The following ABCC3 variants were observed in gnomAD, a reference collection of about 807,000 sequenced individuals.
The protein encoded by ABCC3 is ATP-binding cassette sub-family C member 3.
In ABCC3, 121 loss-of-function variants were observed where a neutral mutation model predicts 165.3. The observed-to-expected ratio is 0.73, with a 90% CI of 0.63 to 0.85. ABCC3 has a LOEUF of 0.85. ABCC3 is among the 40% of genes least tolerant of loss of function. The pLI, the probability that ABCC3 is intolerant of heterozygous loss-of-function variation, is 0.00. For missense variants in ABCC3, 1,869 were observed against 1,964.1 expected, an observed-to-expected ratio of 0.95 and a Z score of 0.92; for synonymous variants, 733 against 810.1, an observed-to-expected ratio of 0.90 and a Z score of 1.62.
intron 1 of ABCC3, among the ~76,000 whole-genome samples, chr17:50,646,230 T>C (rs1422072411): frequency 6.6e-6 from 1 of 151,924 alleles, no homozygotes; most frequent in Non-Finnish European, 1.5e-5. Context: ...GGAGGAGTGT[T>C]CCAGGAAGAG....
In ABCC3 at chr17:50,667,563, A is replaced by G; in HGVS notation, c.1441A>G (p.Met481Val). ...VKMRAFQVKQ[M>V]KLKDSRIKLM... is the part of the protein sequence containing the mutation. ...CTTTCTGCCTGCACAGGTAAAGCAAATGAAATTGAAGGACTCGCGCATCAA... is the reference window on the plus strand; with the variant it reads ...CTTTCTGCCTGCACAGGTAAAGCAAGTGAAATTGAAGGACTCGCGCATCAA... Residue 481 changes from methionine (M) to valine (V), a missense_variant, in exon 12 of 31, where the codon ATG (methionine) becomes GTG (valine). Physicochemically the swap from Met to Val is conservative, Grantham distance 21. Coordinates refer to ENST00000285238, the MANE Select transcript of ABCC3 (RefSeq NM_003786.4). 1 of 1,608,332 alleles carries G rather than the reference A, an allele frequency of 6.2e-7. No individual in the cohort carries two copies. Among genetic ancestry groups the G allele is most frequent in the Non-Finnish European group, 8.5e-7 (1 of 1,175,122 alleles).
Position 50,665,238 on chromosome 17 carries a change from C to T in ABCC3, c.1424C>T (p.Ala475Val). 1 of 1,614,074 alleles carries T rather than the reference C, an allele frequency of 6.2e-7. No individual in the cohort carries two copies. Among genetic ancestry groups the T allele is most frequent in the Non-Finnish European group, 8.5e-7 (1 of 1,180,012 alleles). The change falls in exon 11 of 31, where the codon GCC becomes GTC. Residue 475 changes from alanine (A) to valine (V), a missense_variant. By Grantham distance (64) the Ala-to-Val change is moderately conservative. Transcript: ENST00000285238. ...GGAGCTGTGGCCGTGAAGATGCGCG[C>T]CTTCCAGGTAGGTGCTGTCAGAGGT... is the stretch of plus-strand genomic sequence containing the variant. ...LNGAVAVKMR[A>V]FQVKQMKLKD...
chr17:50,659,178 C>G (rs1428463034), intron 6 of ABCC3, 59 bp from the exon 7 acceptor site: 1 of 1,592,916 alleles, frequency 6.3e-7, no homozygotes, highest in Admixed American at 1.7e-5. Flanking sequence ...ACCCTTGGCT[C>G]CAGGCTGCTA....
Position 50,675,409 on chromosome 17 carries a change from C to T in ABCC3, c.2647C>T (p.Leu883Phe), listed in dbSNP as rs971018001. Residue 883 changes from leucine to phenylalanine, a missense_variant, in exon 20 of 31, where the codon CTC becomes TTC. By Grantham distance (22) the Leu-to-Phe change is conservative. Coordinates refer to ENST00000285238, the MANE Select transcript of ABCC3 (RefSeq NM_003786.4). ...GGAGGCACTGCTGATTGAAGACACA[C>T]TCAGCAACCACACGGATCTGACAGA... ...DKEALLIEDT[L>F]SNHTDLTDND... The T allele has an allele frequency of 1.2e-6, 2 of 1,614,108 alleles. No homozygotes were observed. The highest frequency in any genetic ancestry group is 1.7e-5 in the Admixed American group (1 of 60,016).
At chr17:50,650,630 T>A (rs1967096840) in intron 1 of ABCC3, among the ~76,000 whole-genome samples, 1 of 152,238 alleles carries the variant, frequency 6.6e-6, no homozygotes, top group Admixed American at 6.5e-5. Flanking sequence ...AAACAAAACA[T>A]CCTCACGTCT....
intron 25 of ABCC3, chr17:50,679,511 T>C: frequency 4.5e-6 from 1 of 223,446 alleles, no homozygotes; most frequent in Non-Finnish European, 8.8e-6. Context: ...AATCCGGCGT[T>C]GCATTTTAAC....
At chr17:50,649,416 G>A (rs548922257) in intron 1 of ABCC3, among the ~76,000 whole-genome samples, 1 of 152,116 alleles carries the variant, frequency 6.6e-6, no homozygotes, top group Non-Finnish European at 1.5e-5. Context: ...TGATCTGGCA[G>A]CTTGTGATTG....
intron 1 of ABCC3, among the ~76,000 whole-genome samples, chr17:50,637,033 G>A (rs1012162232): frequency 1.3e-5 from 2 of 152,150 alleles, no homozygotes; most frequent in African/African-American, 4.8e-5. Context: ...TCTGGCCCGC[G>A]CACTTCTCCT....
At chr17:50,651,411 T>G (rs1967113621) in intron 1 of ABCC3, among the ~76,000 whole-genome samples, 2 of 152,182 alleles carry the variant, frequency 1.3e-5, no homozygotes, top group African/African-American at 4.8e-5. Flanking sequence ...CTTTCTATTC[T>G]TGATGCTAAG....
chr17:50,638,563 A>T (rs1462996113), intron 1 of ABCC3, among the ~76,000 whole-genome samples: 1 of 152,144 alleles, frequency 6.6e-6, no homozygotes, highest in Non-Finnish European at 1.5e-5. Flanking sequence ...GGGATTCATT[A>T]GTTCCTCCTC....
At chr17:50,683,248 G>A (rs1306245352) in intron 26 of ABCC3, among the ~76,000 whole-genome samples, 4 of 147,538 alleles carry the variant, frequency 2.7e-5, no homozygotes, top group South Asian at 4.3e-4. Flanking sequence ...GCATGTGCCT[G>A]TTGTAGTCCT....
At chr17:50,659,954 C>T (rs920316004) in intron 7 of ABCC3, among the ~76,000 whole-genome samples, 2 of 152,260 alleles carry the variant, frequency 1.3e-5, no homozygotes, top group South Asian at 4.1e-4. Flanking sequence ...CCACTGTACT[C>T]CAGTCTGGGC....
At chr17:50,673,979 T>TCTTTCCTTCCTTCCTTCCTTCCTTCCTTC (rs1967725299) in intron 19 of ABCC3, among the ~76,000 whole-genome samples, 2 of 1,874 alleles carry the variant, frequency 1.1e-3, no homozygotes, top group African/African-American at 1.6e-3. Flanking sequence ...TTTCTTTCTT[T>TCTTTCCTTCCTTCCTTCCTTCCTTCCTTC]CTCTCTCTCT....
Position 50,676,373 on chromosome 17 carries a change from T to C in ABCC3, c.3163T>C (p.Ser1055Pro). Residue 1055 changes from serine to proline, a missense_variant, in exon 23 of 31, where the codon TCG becomes CCG. Ser to Pro is a moderately conservative substitution (Grantham distance 74). Coordinates refer to ENST00000285238, the MANE Select transcript of ABCC3 (RefSeq NM_003786.4). The part of the protein sequence containing the change: ...HQALLHNKIR[S>P]PQSFFDTTPS... Reference sequence around the variant, plus strand: ...GGCACTGCTGCACAACAAGATACGCTCGCCACAGTCCTTCTTTGACACCAC... The same window carrying C: ...GGCACTGCTGCACAACAAGATACGCCCGCCACAGTCCTTCTTTGACACCAC... The C allele has an allele frequency of 6.2e-7, 1 of 1,614,136 alleles. No homozygotes were observed. Among genetic ancestry groups the C allele is most frequent in the Non-Finnish European group, 8.5e-7 (1 of 1,179,990 alleles).
At chr17:50,673,986 C>CTTTCCT (rs1567835597) in intron 19 of ABCC3, among the ~76,000 whole-genome samples, 1 of 11,314 alleles carries the variant, frequency 8.8e-5, no homozygotes, top group African/African-American at 4.2e-4. Context: ...CTTTCTCTCT[C>CTTTCCT]TCTCTCTCTC....
Position 50,675,656 on chromosome 17 carries a change from G to T in ABCC3, c.2740G>T (p.Gly914Trp). The T allele has an allele frequency of 6.4e-7, 1 of 1,572,926 alleles. No individual in the cohort carries two copies. The stretch of plus-strand genomic sequence containing the variant: ...ACAGCTGAGTGCCCTGTCCTCAGAT[G>T]GGGAGGGACAGGGTCGGCCTGTACC... ...MRQLSALSSD[G>W]EGQGRPVPRR... The change falls in exon 21 of 31, where the codon GGG becomes TGG. Residue 914 changes from glycine to tryptophan, a missense_variant. Transcript: ENST00000285238.
chr17:50,669,812 C>G (rs1376621245), intron 17 of ABCC3, among the ~76,000 whole-genome samples: 2 of 151,210 alleles, frequency 1.3e-5, no homozygotes, highest in African/African-American at 4.9e-5. Context: ...TTCTTTCTTT[C>G]TGAGATAAGG....
At chr17:50,642,545 C>G (rs925022626) in intron 1 of ABCC3, among the ~76,000 whole-genome samples, 1 of 152,202 alleles carries the variant, frequency 6.6e-6, no homozygotes. Flanking sequence ...CCGTTGCCAT[C>G]GAAGTGCTTT....
intron 6 of ABCC3, 24 bp downstream of exon 6, chr17:50,658,520 A>G (rs760528963): frequency 6.2e-7 from 1 of 1,607,314 alleles, no homozygotes; most frequent in South Asian, 1.1e-5. Context: ...TCCACCAGCC[A>G]GGCCAGAGGG....
Sources: gnomAD v4.1 joint callset for allele counts (sites outside exome capture counted in the v4.1 genomes callset) on GRCh38, gnomAD v4.1.1 for gene constraint, MANE v1.5 for transcripts, NCBI Gene and HGNC (gene_info 2026-07-23, HGNC 2026-07-21) for gene names.